Variants in KIF3C observed in about 807,000 individuals in gnomAD.
KIF3C encodes kinesin family member 3C.
Under a neutral mutation model 67.7 loss-of-function variants are expected in KIF3C, and 12 were observed. The ratio of observed to expected loss-of-function variants is 0.18; its 90% CI spans 0.11 to 0.29. The LOEUF is 0.29. KIF3C is among the 10% of genes least tolerant of loss of function. KIF3C has a pLI of 1.00. For missense variants in KIF3C, 789 were observed against 1,059.6 expected (o/e 0.74, Z 3.55); for synonymous variants, 393 against 426.2 (o/e 0.92, Z 0.96).
At chr2:25,935,667 G>A (rs938807493) in intron 5 of KIF3C, among the ~76,000 whole-genome samples, 5 of 152,104 alleles carry the variant, frequency 3.3e-5, no homozygotes, top group Admixed American at 3.3e-4. Context: ...TGGCCCTGAA[G>A]CATTATTTAC....
intron 1 of KIF3C, among the ~76,000 whole-genome samples, chr2:25,970,583 G>A (rs914264660): frequency 1.3e-5 from 2 of 148,850 alleles, no homozygotes; most frequent in Non-Finnish European, 3.0e-5. Flanking sequence ...AGAAGAATTG[G>A]TTGAACCCGG....
chr2:25,934,772 CA>C (rs1396001258), intron 5 of KIF3C, among the ~76,000 whole-genome samples: 2 of 151,920 alleles, frequency 1.3e-5, no homozygotes, highest in Non-Finnish European at 2.9e-5. Flanking sequence ...AAACAATGAA[CA>C]AACAGGCCAG....
intron 1 of KIF3C, among the ~76,000 whole-genome samples, chr2:25,979,847 A>T (rs1664518226): frequency 6.6e-6 from 1 of 152,154 alleles, no homozygotes; most frequent in African/African-American, 2.4e-5. Context: ...TCACCTCTGA[A>T]ATGGGGATTT....
Position 25,980,427 on chromosome 2 carries a change from C to T in KIF3C, c.1491G>A (p.Leu497=). Reference sequence around the variant, plus strand: ...CCTGCTGTTCCCGCCGCAGGTCCTCCAGCATCTTCTCCTTCTCCTCCAGCA... The same window carrying T: ...CCTGCTGTTCCCGCCGCAGGTCCTCTAGCATCTTCTCCTTCTCCTCCAGCA... The part of the protein sequence containing the change: ...QKLLEEKEKM[L]EDLRREQQAT... Residue 497 remains leucine, a synonymous_variant, in exon 1 of 8, where the codon CTG becomes CTA. Coordinates refer to ENST00000264712, the MANE Select transcript of KIF3C (RefSeq NM_002254.8). The surrounding 1 kb of genome is among the most constrained non-coding windows in gnomAD (Gnocchi z 7.6). 1.2e-6 allele frequency: 2 copies of T among 1,614,124 alleles called. No individual in the cohort carries two copies. Among genetic ancestry groups the T allele is most frequent in the Non-Finnish European group, 1.7e-6 (2 of 1,180,030 alleles).
chr2:25,944,952 G>A (rs377140823), intron 5 of KIF3C, among the ~76,000 whole-genome samples: 8 of 152,056 alleles, frequency 5.3e-5, no homozygotes, highest in South Asian at 4.1e-4. Flanking sequence ...CCAACATGGC[G>A]AAACCCCGCC....
rs771519781 is a variant in KIF3C, at chr2:25,980,586, C to T, written c.1332G>A (p.Pro444=). The change falls in exon 1 of 8, where the codon CCG becomes CCA. Residue 444 remains proline (P), a synonymous_variant. Transcript: ENST00000264712. The surrounding 1 kb of genome is among the most constrained non-coding windows in gnomAD (Gnocchi z 7.6). ...AGGCTGACTCCAGGATGGGCTGGGG[C>T]GGGCGGTGGTTGTTGTTGTTGTCAT... is the stretch of plus-strand genomic sequence containing the variant. ...EEDDNNNNHR[P]PQPILESALE... 53 of 1,614,122 alleles carry T rather than the reference C, an allele frequency of 3.3e-5. No homozygotes were observed. The highest frequency in any genetic ancestry group is 1.1e-4 in the East Asian group (5 of 44,880).
At chr2:25,942,548 T>C (rs1450472175) in intron 5 of KIF3C, among the ~76,000 whole-genome samples, 3 of 151,744 alleles carry the variant, frequency 2.0e-5, no homozygotes, top group Admixed American at 2.0e-4. Flanking sequence ...GTAGCTGGAA[T>C]TACAGGCATA....
At chr2:25,973,303 C>T (rs1483381064) in intron 1 of KIF3C, among the ~76,000 whole-genome samples, 2 of 152,036 alleles carry the variant, frequency 1.3e-5, no homozygotes, top group African/African-American at 4.8e-5. Flanking sequence ...CCTGTAATCC[C>T]AGCACTTTGG....
chr2:25,959,814 T>C (rs1663900796), intron 1 of KIF3C, among the ~76,000 whole-genome samples: 1 of 152,054 alleles, frequency 6.6e-6, no homozygotes, highest in Non-Finnish European at 1.5e-5. Flanking sequence ...CCCGATCATC[T>C]GGGGAACCTG....
chr2:25,929,199 C>T (rs949476214), intron 7 of KIF3C, 106 bp downstream of exon 7: 24 of 1,439,372 alleles, frequency 1.7e-5, no homozygotes. Context: ...ACCCCTTGCC[C>T]TTCCTGCCCT....
intron 5 of KIF3C, among the ~76,000 whole-genome samples, chr2:25,932,779 G>A (rs2090472508): frequency 1.3e-5 from 2 of 151,912 alleles, no homozygotes; most frequent in Admixed American, 1.3e-4. Flanking sequence ...GTTGCAGTGA[G>A]CTGAGATCTG....
Position 25,950,178 on chromosome 2 carries a change from G to A in KIF3C, c.2006+1611C>T, listed in dbSNP as rs114486381. Among the ~76,000 whole-genome samples the A allele has an allele frequency of 6.4e-3, 962 of 151,036 alleles. 9 individuals are homozygous for A. Among genetic ancestry groups the A allele is most frequent in the African/African-American group, 0.022 (922 of 41,282 alleles). ...AAATGCTGGGATTACAGGATTACAG[G>A]CATGAGCCACCATGCCCAGCAGAAA... On this transcript the variant is annotated intron_variant, in intron 5 of 7. Coordinates refer to ENST00000264712, the MANE Select transcript of KIF3C (RefSeq NM_002254.8).
chr2:25,939,904 C>T (rs548070706), intron 5 of KIF3C, among the ~76,000 whole-genome samples: 4 of 152,006 alleles, frequency 2.6e-5, no homozygotes, highest in African/African-American at 4.8e-5. Flanking sequence ...GAGCCAAGAT[C>T]GTGCCACTGT....
At chr2:25,963,223 A>T (rs1207108331) in intron 1 of KIF3C, among the ~76,000 whole-genome samples, 6 of 49,046 alleles carry the variant, frequency 1.2e-4, no homozygotes, top group Non-Finnish European at 2.0e-4. Context: ...TTTTTTTTTT[A>T]AAGATAGAGT....
chr2:25,966,851 A>G (rs1017448814), intron 1 of KIF3C, among the ~76,000 whole-genome samples: 1 of 152,184 alleles, frequency 6.6e-6, no homozygotes, highest in Non-Finnish European at 1.5e-5. Flanking sequence ...TTTTACCTTA[A>G]TCGTCCTATC....
At chr2:25,968,775 G>A (rs1664205330) in intron 1 of KIF3C, among the ~76,000 whole-genome samples, 1 of 151,806 alleles carries the variant, frequency 6.6e-6, no homozygotes, top group Non-Finnish European at 1.5e-5. Flanking sequence ...ACCCTGGCCT[G>A]CTTCCAAGGT....
At chr2:25,971,487 G>C (rs1353547119) in intron 1 of KIF3C, among the ~76,000 whole-genome samples, 1 of 151,920 alleles carries the variant, frequency 6.6e-6, no homozygotes, top group Non-Finnish European at 1.5e-5. Flanking sequence ...CCAGGGCCTG[G>C]GACTCTTCTG....
chr2:25,954,485 C>G (rs1190527486), intron 3 of KIF3C, 100 bp from the exon 4 acceptor site: 1 of 847,304 alleles, frequency 1.2e-6, no homozygotes, highest in East Asian at 2.6e-5. Context: ...AGTCTACCGA[C>G]TCAGCCCAGG....
rs1269638446 is a variant in KIF3C, at chr2:25,961,658, C to T, written c.1546-5214G>A. 3.9e-5 allele frequency among the ~76,000 whole-genome samples: 6 copies of T among 152,246 alleles called. No homozygotes were observed. The East Asian group carries it at 1.2e-3, about 29-fold the overall frequency. On this transcript the variant is annotated intron_variant, in intron 1 of 7. Coordinates refer to ENST00000264712, the MANE Select transcript of KIF3C (RefSeq NM_002254.8). The stretch of plus-strand genomic sequence containing the variant: ...AAAAAGTCAGTAGCATCTGCCCAGG[C>T]ACCATCATGAAGGCTTTTTAGAAAC...
Sources: gnomAD v4.1 joint callset for allele counts (sites outside exome capture counted in the v4.1 genomes callset) on GRCh38, gnomAD v4.1.1 for gene constraint, Gnocchi (gnomAD v3.1) non-coding constraint, MANE v1.5 for transcripts, NCBI Gene and HGNC (gene_info 2026-07-23, HGNC 2026-07-21) for gene names.